USP36: variants seen among roughly 807,000 people sequenced by gnomAD.
USP36 encodes ubiquitin specific peptidase 36, also known as ubiquitin carboxyl-terminal hydrolase 36.
In USP36, 59 loss-of-function variants were observed where a neutral mutation model predicts 111.5. That is an observed-to-expected ratio of 0.53 (90% CI 0.43 to 0.66). The LOEUF (loss-of-function observed/expected upper bound fraction) is 0.66. USP36 is among the 30% of genes least tolerant of loss of function. The probability of loss-of-function intolerance (pLI) is 0.00; values close to 1 mark genes in which losing one functional copy is unlikely to be tolerated. For missense variants in USP36, 1,488 were observed against 1,468.0 expected (o/e 1.01, Z -0.22); for synonymous variants, 628 against 581.0 (o/e 1.08, Z -1.16).
At chr17:78,804,317 C>T (rs780033044) in intron 15 of USP36, among the ~76,000 whole-genome samples, 2 of 151,792 alleles carry the variant, frequency 1.3e-5, no homozygotes, top group Non-Finnish European at 2.9e-5. Context: ...CAAAATTAGC[C>T]GGGCGTGGTG....
At chr17:78,810,789 A>T (rs2094030192) in intron 13 of USP36, among the ~76,000 whole-genome samples, 1 of 152,066 alleles carries the variant, frequency 6.6e-6, no homozygotes, top group Admixed American at 6.6e-5. Flanking sequence ...TCAACTCTTC[A>T]TTCTAAAGGG....
intron 14 of USP36, 124 bp downstream of exon 14, chr17:78,806,833 CTT>C (rs1298693767): frequency 6.7e-6 from 9 of 1,335,052 alleles, no homozygotes; most frequent in Non-Finnish European, 7.2e-6. Context: ...CTAAAAGACA[CTT>C]TGTTCCTCTA....
rs200626859 is a variant in USP36, at chr17:78,807,237, C to T, written c.1807G>A (p.Ala603Thr). 7.9e-5 allele frequency: 128 copies of T among 1,614,022 alleles called. No homozygotes were observed. Among genetic ancestry groups the T allele is most frequent in the Admixed American group, 1.5e-4 (9 of 60,002 alleles). ...GHGLKGNDES[A>T]GLDRRGSSSS... ...CTGGAGCCCCTCCTGTCGAGGCCAG[C>T]GCTCTCGTCGTTCCCCTTCAGCCCA... Residue 603 changes from alanine to threonine, a missense_variant, in exon 14 of 21, where the codon GCT becomes ACT. By Grantham distance (58) the Ala-to-Thr change is moderately conservative. Transcript: ENST00000449938.
At chr17:78,821,386 G>C (rs545476169) in intron 7 of USP36, 1 of 78,356 alleles carries the variant, frequency 1.3e-5, no homozygotes, top group Non-Finnish European at 2.4e-5. Flanking sequence ...TTCCTAATGA[G>C]AATATATATA....
intron 17 of USP36, among the ~76,000 whole-genome samples, chr17:78,801,197 C>T (rs1291909139): frequency 2.6e-5 from 4 of 151,984 alleles, no homozygotes; most frequent in Non-Finnish European, 4.4e-5. Context: ...AGGATGGTCT[C>T]GATCTCCTAA....
chr17:78,840,592 A>C (rs948388051), intron 1 of USP36, 144 bp downstream of exon 1: 3 of 152,120 alleles, frequency 2.0e-5, no homozygotes, highest in South Asian at 2.1e-4. Context: ...GGACGGCCGA[A>C]GCCCTGCGCG....
At chr17:78,826,304 G>C (rs1461930644) in intron 6 of USP36, among the ~76,000 whole-genome samples, 1 of 152,214 alleles carries the variant, frequency 6.6e-6, no homozygotes, top group East Asian at 1.9e-4. Context: ...AAGGCAGGCA[G>C]ATCACTTGAG....
chr17:78,802,869 G>A (rs1226916550), intron 16 of USP36, among the ~76,000 whole-genome samples: 2 of 152,166 alleles, frequency 1.3e-5, no homozygotes, highest in African/African-American at 4.8e-5. Context: ...CACATACAAT[G>A]ATGGACACTA....
Position 78,806,139 on chromosome 17 carries a change from C to T in USP36, c.2216+17G>A. On this transcript the variant is annotated intron_variant, in intron 15 of 20. Coordinates refer to ENST00000449938, the MANE Select transcript of USP36 (RefSeq NM_001385174.1). Reference sequence around the variant, plus strand: ...GAGAACCAGTTGGCACCCAGAAGATCCCGGCCCAAAGCTTACCTGGCTCTA... The same window carrying T: ...GAGAACCAGTTGGCACCCAGAAGATTCCGGCCCAAAGCTTACCTGGCTCTA... 2 of 1,612,566 alleles carry T rather than the reference C, an allele frequency of 1.2e-6. No homozygotes were observed. The highest frequency in any genetic ancestry group is 1.1e-5 in the South Asian group (1 of 90,986).
rs780275432 is a variant in USP36 at position 78,806,951 on chromosome 17, A to G, written c.2085+8T>C. 2.5e-6 allele frequency: 4 copies of G among 1,613,290 alleles called. No individual in the cohort carries two copies. Among genetic ancestry groups the G allele is most frequent in the Non-Finnish European group, 3.4e-6 (4 of 1,179,472 alleles). On this transcript the variant is annotated splice_region_variant and intron_variant, in intron 14 of 20. Transcript: ENST00000449938. ...TACACAGCAGCGGCGAGACCCCCAC[A>G]CACCCACCTTCTTGGCAGAAAGGGC...
chr17:78,836,399 C>A (rs1309336864), intron 2 of USP36, 27 bp from the exon 3 acceptor site: 1 of 1,599,540 alleles, frequency 6.3e-7, no homozygotes, highest in Non-Finnish European at 8.5e-7. Flanking sequence ...AAACATAGAG[C>A]CATAGATAAC....
At chr17:78,829,869 T>C (rs924393977) in intron 4 of USP36, among the ~76,000 whole-genome samples, 2 of 152,096 alleles carry the variant, frequency 1.3e-5, no homozygotes, top group African/African-American at 2.4e-5. Context: ...GCCTCCCAAG[T>C]GGCTGGGACT....
chr17:78,835,634 G>A (rs2068594046), intron 3 of USP36, 133 bp from the exon 4 acceptor site: 7 of 927,302 alleles, frequency 7.5e-6, no homozygotes, highest in Non-Finnish European at 9.7e-6. Flanking sequence ...AAGAACTGGT[G>A]TTCTGGTTTA....
intron 7 of USP36, 92 bp from the exon 8 acceptor site, chr17:78,821,153 A>C: frequency 1.6e-5 from 20 of 1,288,888 alleles, no homozygotes; most frequent in Non-Finnish European, 2.0e-5. Flanking sequence ...GCAGACTCTC[A>C]GCAGGGCTTT....
At chr17:78,816,620 C>T (rs1036580696) in intron 10 of USP36, among the ~76,000 whole-genome samples, 8 of 150,802 alleles carry the variant, frequency 5.3e-5, no homozygotes, top group Middle Eastern at 3.4e-3. Flanking sequence ...AGTAAGACTC[C>T]GTCTCAAAAA....
chr17:78,802,503 G>T lies in USP36; in HGVS notation c.2843C>A (p.Ala948Asp), dbSNP rs1224122078. The T allele has an allele frequency of 1.9e-6, 3 of 1,607,750 alleles. No individual in the cohort carries two copies. Residue 948 changes from alanine (A) to aspartate (D), a missense_variant, in exon 17 of 21, where the codon GCC becomes GAC. By Grantham distance (126) the Ala-to-Asp change is moderately radical. This residue lies in a region of USP36 where 1,073 missense variants were observed against 994.1 expected (regional missense o/e 1.08). Transcript: ENST00000449938. The part of the protein sequence containing the change: ...CSPMGDGDPE[A>D]MEESPRKKKK... ...CTTTTTCCTTGGAGACTCTTCCATG[G>T]CCTCTGGATCACCATCACCCATGGG...
intron 13 of USP36, among the ~76,000 whole-genome samples, chr17:78,811,608 G>A (rs1287882134): frequency 2.6e-5 from 4 of 152,084 alleles, no homozygotes; most frequent in African/African-American, 4.8e-5. Context: ...AGTGGCTCAC[G>A]TCTGTAATCC....
chr17:78,819,026 C>T, intron 9 of USP36: 1 of 331,944 alleles, frequency 3.0e-6, no homozygotes, highest in Non-Finnish European at 5.7e-6. Context: ...GTACTGTACC[C>T]ACCAGGAAAC....
intron 14 of USP36, 146 bp downstream of exon 14, chr17:78,806,813 C>G: frequency 8.5e-7 from 1 of 1,174,880 alleles, no homozygotes; most frequent in Non-Finnish European, 1.2e-6. Flanking sequence ...TTGCAAATGG[C>G]TGGGAACGAC....
Sources: gnomAD v4.1 joint callset for allele counts (sites outside exome capture counted in the v4.1 genomes callset) on GRCh38, gnomAD v4.1.1 for gene constraint, gnomAD v4.1.1 regional missense constraint, MANE v1.5 for transcripts, NCBI Gene and HGNC (gene_info 2026-07-23, HGNC 2026-07-21) for gene names.